Variants in DPP6 observed in about 807,000 individuals in gnomAD.
The protein encoded by DPP6 is A-type potassium channel modulatory protein DPP6.
DPP6 carries 69 observed loss-of-function variants against 122.6 expected under a neutral mutation model. The ratio of observed to expected loss-of-function variants is 0.56; its 90% CI spans 0.46 to 0.69. The LOEUF (loss-of-function observed/expected upper bound fraction) is 0.69. Ranked by LOEUF, DPP6 falls within the 30% of genes least tolerant of loss-of-function variation. The pLI, the probability that DPP6 is intolerant of heterozygous loss-of-function variation, is 0.00. For missense variants in DPP6, 928 were observed against 1,116.9 expected (o/e 0.83, Z 2.41); for synonymous variants, 418 against 433.1 (o/e 0.97, Z 0.43).
At chr7:154,250,826 G>A (rs753811325) in intron 1 of DPP6, among the ~76,000 whole-genome samples, 2 of 152,164 alleles carry the variant, frequency 1.3e-5, no homozygotes, top group East Asian at 1.9e-4. Context: ...CGTGCTGAGG[G>A]TAATCGTTGC....
rs567739898 is a variant in DPP6, at chr7:154,229,178, A to T, written c.243+176115A>T. Among the ~76,000 whole-genome samples the T allele has an allele frequency of 4.6e-5, 7 of 152,200 alleles. No homozygotes were observed. The South Asian group carries it at 1.5e-3, about 32-fold the overall frequency. Reference sequence around the variant, plus strand: ...CAAAATGCCTTGAGCATCCCAAAAAACTTGCTCTTGATTGGTCCACTTTTG... The same window carrying T: ...CAAAATGCCTTGAGCATCCCAAAAATCTTGCTCTTGATTGGTCCACTTTTG... On this transcript the variant is annotated intron_variant, in intron 1 of 25. Transcript: ENST00000377770.
chr7:154,844,234 G>A (rs1425321892), intron 16 of DPP6, among the ~76,000 whole-genome samples: 1 of 152,212 alleles, frequency 6.6e-6, no homozygotes, highest in Non-Finnish European at 1.5e-5. Flanking sequence ...TCATTTGGAA[G>A]AAGAGGAAAA....
chr7:154,869,191 G>A (rs927001913), intron 18 of DPP6, among the ~76,000 whole-genome samples: 1 of 152,146 alleles, frequency 6.6e-6, no homozygotes, highest in Non-Finnish European at 1.5e-5. Flanking sequence ...GAACCTCTTT[G>A]TCTGCCCTTC....
chr7:154,450,941 T>C (rs1268056797), intron 2 of DPP6, among the ~76,000 whole-genome samples: 1 of 152,158 alleles, frequency 6.6e-6, no homozygotes, highest in South Asian at 2.1e-4. Context: ...TTCGATCTTG[T>C]GGTTGTCTGG....
Position 154,890,721 on chromosome 7 carries a change from G to A in DPP6, c.2451+1191G>A, listed in dbSNP as rs1004301979. ...CCTTCACAGACACCCCATGCATCTG[G>A]AGCCAGGCCCAGCCCCAGGTAAGAG... is the stretch of plus-strand genomic sequence containing the variant. On this transcript the variant is annotated intron_variant, in intron 25 of 25. Coordinates refer to ENST00000377770, the MANE Select transcript of DPP6 (RefSeq NM_130797.4). 5.9e-5 allele frequency: 9 copies of A among 152,296 alleles called. No homozygotes were observed. The East Asian group carries it at 1.5e-3, about 26-fold the overall frequency. The allele number at this position is 152,296 out of a possible 1,614,324, so 9.4% of individuals were successfully genotyped here. A position where few individuals can be genotyped will look rare whatever the true frequency, so the allele number is the denominator to read the frequency against.
chr7:154,060,562 G>C (rs367872979), intron 1 of DPP6, among the ~76,000 whole-genome samples: 1 of 109,304 alleles, frequency 9.1e-6, no homozygotes, highest in African/African-American at 3.8e-5. Context: ...ATCTTCCGAC[G>C]GCAGGTACCT....
chr7:154,495,896 G>T (rs1226260206), intron 3 of DPP6, among the ~76,000 whole-genome samples: 3 of 152,114 alleles, frequency 2.0e-5, no homozygotes, highest in African/African-American at 7.2e-5. Context: ...TGAACATTTG[G>T]CACAGCAGTG....
At chr7:154,180,832 G>T (rs1798047844) in intron 1 of DPP6, among the ~76,000 whole-genome samples, 1 of 151,990 alleles carries the variant, frequency 6.6e-6, no homozygotes. Flanking sequence ...TGTTTCCAGG[G>T]TTACAAATCC....
At chr7:153,902,751 G>T (rs749641084) in intron 1 of DPP6, among the ~76,000 whole-genome samples, 4 of 152,076 alleles carry the variant, frequency 2.6e-5, no homozygotes, top group Admixed American at 6.6e-5. Flanking sequence ...CAGGAGTATC[G>T]CTTGAACCTG....
At chr7:154,264,566 C>CT (rs2150921316) in intron 1 of DPP6, among the ~76,000 whole-genome samples, 1 of 152,118 alleles carries the variant, frequency 6.6e-6, no homozygotes, top group South Asian at 2.1e-4. Context: ...GAGTATAGTG[C>CT]TTGGTATAGA....
chr7:154,531,386 G>A (rs1051808163), intron 3 of DPP6, among the ~76,000 whole-genome samples: 1 of 151,782 alleles, frequency 6.6e-6, no homozygotes, highest in Admixed American at 6.6e-5. Flanking sequence ...ATGCTGAAAG[G>A]CAAAAAACAA....
At chr7:154,841,259 G>A (rs1377941350) in intron 16 of DPP6, among the ~76,000 whole-genome samples, 5 of 152,098 alleles carry the variant, frequency 3.3e-5, no homozygotes, top group Non-Finnish European at 7.4e-5. Flanking sequence ...AACAGCCAGT[G>A]GGCGCTGTAC....
intron 1 of DPP6, among the ~76,000 whole-genome samples, chr7:154,358,986 G>A (rs987850212): frequency 2.6e-5 from 4 of 152,202 alleles, no homozygotes; most frequent in Non-Finnish European, 2.9e-5. Context: ...GATTACAGGC[G>A]TGAGACACTG....
chr7:154,170,197 G>A (rs2150726910), intron 1 of DPP6, among the ~76,000 whole-genome samples: 1 of 152,256 alleles, frequency 6.6e-6, no homozygotes, highest in Non-Finnish European at 1.5e-5. Flanking sequence ...TGCCGCAGCT[G>A]ACCCAGCAGC....
At chr7:154,645,254 AC>A (rs1452957700) in intron 6 of DPP6, among the ~76,000 whole-genome samples, 1 of 151,040 alleles carries the variant, frequency 6.6e-6, no homozygotes, top group African/African-American at 2.5e-5. Context: ...TTTAGTAGAG[AC>A]GGGGTTTCAC....
Position 154,637,867 on chromosome 7 carries a change from C to T in DPP6, c.674C>T (p.Pro225Leu), listed in dbSNP as rs869025384. The change falls in exon 6 of 26, where the codon CCT becomes CTT. Residue 225 changes from proline to leucine, a missense_variant. Physicochemically the swap from Pro to Leu is moderately conservative, Grantham distance 98. Coordinates refer to ENST00000377770, the MANE Select transcript of DPP6 (RefSeq NM_130797.4). ...YTGYYVLSKI[P>L]HGDPQSLDPP... ...GGATATTACGTCCTGAGCAAAATTC[C>T]TCATGGGTAAGAGTGTTCTTTTCTT... The T allele has an allele frequency of 6.3e-7, 1 of 1,575,026 alleles. No individual in the cohort carries two copies.
At chr7:154,795,771 G>T in intron 11 of DPP6, 74 bp from the exon 12 acceptor site, 2 of 1,529,088 alleles carry the variant, frequency 1.3e-6, no homozygotes, top group East Asian at 2.5e-5. Flanking sequence ...GTCGGTCACA[G>T]ACACAATACA....
At chr7:154,248,337 T>C (rs1585736017) in intron 1 of DPP6, among the ~76,000 whole-genome samples, 1 of 152,080 alleles carries the variant, frequency 6.6e-6, no homozygotes, top group Admixed American at 6.5e-5. Context: ...TAGACGTGAA[T>C]TTCACACCTG....
intron 1 of DPP6, among the ~76,000 whole-genome samples, chr7:154,299,130 G>A (rs1208485079): frequency 6.6e-6 from 1 of 152,182 alleles, no homozygotes; most frequent in African/African-American, 2.4e-5. Context: ...GGTGATTTGG[G>A]TCCATTTTTG....
Sources: allele counts gnomAD v4.1 joint callset (sites outside exome capture counted in the v4.1 genomes callset), GRCh38; gene constraint gnomAD v4.1.1; transcripts MANE v1.5; gene names NCBI Gene and HGNC (gene_info 2026-07-23, HGNC 2026-07-21).